TEX11: variants seen among roughly 807,000 people sequenced by gnomAD.
TEX11 encodes testis-expressed protein 11.
Under a neutral mutation model 84.4 loss-of-function variants are expected in TEX11, and 7 were observed. That is an observed-to-expected ratio of 0.08 (90% CI 0.05 to 0.16). The LOEUF (loss-of-function observed/expected upper bound fraction) is 0.16. Among genes scored for constraint, TEX11 ranks in the 10% least tolerant of loss-of-function variants. The pLI is 1.00. For missense variants in TEX11, 551 were observed against 660.5 expected, an observed-to-expected ratio of 0.83 and a Z score of 1.82; for synonymous variants, 264 against 222.8, an observed-to-expected ratio of 1.18 and a Z score of -1.64.
At chrX:70,758,323 T>G (rs1331861234) in intron 9 of TEX11, among the ~76,000 whole-genome samples, 1 of 112,003 alleles carries the variant, frequency 8.9e-6, no homozygotes, top group African/African-American at 3.2e-5. Context: ...GAATATACAT[T>G]CTTCTCAGCA....
intron 13 of TEX11, among the ~76,000 whole-genome samples, chrX:70,714,461 T>C (rs1179357115): frequency 8.9e-6 from 1 of 111,750 alleles, no homozygotes; most frequent in African/African-American, 3.3e-5. Flanking sequence ...ACTTGCTTTA[T>C]GAATCTGGGT....
At chrX:70,729,364 C>T (rs1342200901) in intron 11 of TEX11, among the ~76,000 whole-genome samples, 1 of 111,511 alleles carries the variant, frequency 9.0e-6, no homozygotes, top group African/African-American at 3.3e-5. Context: ...CTACGCCAAG[C>T]TAAAGGAGGA....
At chrX:70,514,060 C>T in the TEX11 span, among the ~76,000 whole-genome samples, 7 of 108,971 alleles carry the variant, frequency 6.4e-5, 1 homozygote, top group Admixed American at 6.8e-4. Context: ...TTTTTGACTA[C>T]AAAAATGGTG....
chrX:70,779,036 CAT>C (rs1369895887), intron 9 of TEX11, among the ~76,000 whole-genome samples: 1 of 110,444 alleles, frequency 9.1e-6, no homozygotes, highest in Non-Finnish European at 1.9e-5. Context: ...TCACTACAAA[CAT>C]ATATATATGT....
chrX:70,848,270 C>T (rs112167835), intron 7 of TEX11, among the ~76,000 whole-genome samples: 32 of 112,490 alleles, frequency 2.8e-4, no homozygotes, highest in African/African-American at 8.7e-4. Context: ...AGACTTAGCA[C>T]TCATTGTGCC....
intron 20 of TEX11, among the ~76,000 whole-genome samples, chrX:70,620,606 C>T (rs1393485923): frequency 8.9e-6 from 1 of 111,947 alleles, no homozygotes; most frequent in Non-Finnish European, 1.9e-5. Flanking sequence ...TCATGCTCCT[C>T]GGTATTAATA....
At chrX:70,622,889 G>A (rs891275500) in intron 20 of TEX11, among the ~76,000 whole-genome samples, 4 of 111,641 alleles carry the variant, frequency 3.6e-5, no homozygotes, top group African/African-American at 1.3e-4. Context: ...TAAGAGATAA[G>A]CAATCTTTTA....
intron 25 of TEX11, 97 bp downstream of exon 25, chrX:70,591,654 T>C: frequency 1.7e-6 from 1 of 588,610 alleles, no homozygotes; most frequent in Non-Finnish European, 2.8e-6. Context: ...GGTTATCAAG[T>C]ACTGCAGTGG....
chrX:70,551,985 TGTA>T (rs2088220453), intron 28 of TEX11, 138 bp downstream of exon 28: 1 of 674,198 alleles, frequency 1.5e-6, no homozygotes, highest in Admixed American at 5.2e-5. Context: ...AGGAAAATTC[TGTA>T]GTGTGTAACT....
rs748997672 is a variant in TEX11, at chrX:70,629,718, T to C, written c.1501A>G (p.Thr501Ala). The change falls in exon 18 of 30, where the codon ACT becomes GCT. Residue 501 changes from threonine to alanine, a missense_variant. By Grantham distance (58) the Thr-to-Ala change is moderately conservative. Transcript: ENST00000374333. ...NSERALQAII[T>A]LENILTDEES... ...TCATCTGTTAATATATTCTCTAAAG[T>C]AATTATTGCCTGCAAAGCTGAAAAA... is the stretch of plus-strand genomic sequence containing the variant. 3.4e-6 allele frequency: 4 copies of C among 1,172,184 alleles called. No homozygotes were observed. Among genetic ancestry groups the C allele is most frequent in the Non-Finnish European group, 4.6e-6 (4 of 868,235 alleles).
chrX:70,892,519 G>A (rs2091743600), intron 2 of TEX11, among the ~76,000 whole-genome samples: 2 of 111,357 alleles, frequency 1.8e-5, no homozygotes, highest in South Asian at 3.8e-4. Context: ...TGGATCAAGA[G>A]GTCAGGAGTT....
At chrX:70,754,765 GAGAGAA>G (rs779569727) in intron 9 of TEX11, among the ~76,000 whole-genome samples, 2 of 110,689 alleles carry the variant, frequency 1.8e-5, no homozygotes, top group East Asian at 3.0e-4. Flanking sequence ...AAGAGAGAAA[GAGAGAA>G]AGAGAGAGAG....
chrX:70,601,828 T>C (rs994704790), intron 24 of TEX11, among the ~76,000 whole-genome samples: 1 of 104,806 alleles, frequency 9.5e-6, no homozygotes, highest in Admixed American at 1.0e-4. Flanking sequence ...ACACAGCACA[T>C]GTTTCAGAGA....
At chrX:70,734,067 C>T (rs891887738) in intron 11 of TEX11, among the ~76,000 whole-genome samples, 1 of 110,616 alleles carries the variant, frequency 9.0e-6, no homozygotes, top group African/African-American at 3.3e-5. Flanking sequence ...AAAAACCAAA[C>T]ACCGCATGTT....
intron 7 of TEX11, among the ~76,000 whole-genome samples, chrX:70,835,067 A>T (rs1194116519): frequency 9.0e-6 from 1 of 111,100 alleles, no homozygotes; most frequent in Non-Finnish European, 1.9e-5. Context: ...AATTGCTAAC[A>T]CAAGTGCCTC....
chrX:70,750,196 A>G (rs1336404993), intron 9 of TEX11, among the ~76,000 whole-genome samples: 1 of 111,899 alleles, frequency 8.9e-6, no homozygotes, highest in African/African-American at 3.3e-5. Context: ...TGGCCATCAG[A>G]GAAATGCAAA....
At chrX:70,662,446 A>G (rs1391638066) in intron 16 of TEX11, among the ~76,000 whole-genome samples, 1 of 111,894 alleles carries the variant, frequency 8.9e-6, no homozygotes, top group Non-Finnish European at 1.9e-5. Context: ...ACTCTGCAGG[A>G]TATTATCCAG....
At chrX:70,679,012 C>A in intron 14 of TEX11, 123 bp from the exon 15 acceptor site, 1 of 562,424 alleles carries the variant, frequency 1.8e-6, no homozygotes, top group Non-Finnish European at 2.8e-6. Context: ...CCCTCTGATG[C>A]CGAGCTGAAG....
At chrX:70,755,139 A>T (rs1222876523) in intron 9 of TEX11, among the ~76,000 whole-genome samples, 1 of 112,253 alleles carries the variant, frequency 8.9e-6, no homozygotes. Flanking sequence ...TGCACCAGAA[A>T]CCAATCCTGG....
Sources: allele counts gnomAD v4.1 joint callset (sites outside exome capture counted in the v4.1 genomes callset), GRCh38; gene constraint gnomAD v4.1.1; transcripts MANE v1.5; gene names NCBI Gene and HGNC (gene_info 2026-07-23, HGNC 2026-07-21).